The following CYTH3 variants were observed in gnomAD, a reference collection of about 807,000 sequenced individuals.
CYTH3 encodes cytohesin 3.
CYTH3 carries 23 observed loss-of-function variants against 55.1 expected under a neutral mutation model. The observed-to-expected ratio is 0.42, with a 90% confidence interval of 0.30 to 0.59. The LOEUF (loss-of-function observed/expected upper bound fraction) is 0.59, where lower values mean the gene tolerates loss of function less well. Among genes scored for constraint, CYTH3 ranks in the 20% least tolerant of loss-of-function variants. CYTH3 has a pLI of 0.20. For synonymous variants in CYTH3, 249 were observed against 194.9 expected (o/e 1.28, Z -2.31); for missense variants, 413 against 524.8 (o/e 0.79, Z 2.08).
At chr7:6,168,525 C>A (rs1271167802) in intron 9 of CYTH3, among the ~76,000 whole-genome samples, 1 of 152,128 alleles carries the variant, frequency 6.6e-6, no homozygotes, top group Non-Finnish European at 1.5e-5. Flanking sequence ...ACACAGCAGA[C>A]ATACAGGGTG....
At chr7:6,250,416 T>C (rs1006570262) in intron 1 of CYTH3, among the ~76,000 whole-genome samples, 4 of 152,170 alleles carry the variant, frequency 2.6e-5, no homozygotes, top group Non-Finnish European at 5.9e-5. Context: ...GATTCAACCA[T>C]GTGACAGAGG....
rs1441543809 is a variant in CYTH3 at position 6,164,540 on chromosome 7, AC to A, written c.*403del. The stretch of plus-strand genomic sequence containing the variant: ...CCCGAGTGAATGCGTTTGGCATGGT[AC>A]GAATGAGGCTCCCGTCTGTGGAATC... On this transcript the variant is annotated 3_prime_UTR_variant, in exon 13 of 13. Coordinates refer to ENST00000350796, the MANE Select transcript of CYTH3 (RefSeq NM_004227.4). 2 of 217,980 alleles carry A rather than the reference AC, an allele frequency of 9.2e-6. No homozygotes were observed. Among genetic ancestry groups the A allele is most frequent in the Non-Finnish European group, 1.8e-5 (2 of 110,190 alleles). 13.5% of individuals were successfully genotyped at this position (217,980 alleles called of 1,614,324 possible).
In CYTH3 at chr7:6,165,314, G is replaced by A. The variant is rs1782962266; in HGVS notation, c.1086C>T (p.Ala362=). 6.2e-7 allele frequency: 1 copy of A among 1,613,926 alleles called. No individual in the cohort carries two copies. The change falls in exon 12 of 13, where the codon GCC becomes GCT. Residue 362 remains alanine (A), a synonymous_variant. Transcript: ENST00000350796. ...EGNHVVYRIS[A]PSPEEKEEWM... ...ACTCCTCCTTCTCCTCCGGGCTCGG[G>A]GCTGAGATCCGGTACACCACATGGT...
intron 1 of CYTH3, among the ~76,000 whole-genome samples, chr7:6,198,077 G>C (rs1783976453): frequency 1.5e-5 from 2 of 135,612 alleles, no homozygotes; most frequent in African/African-American, 2.8e-5. Flanking sequence ...CTGAGTAACA[G>C]AGTGAGACAC....
At position 6,215,022 on chromosome 7, in the gene CYTH3, C is replaced by T. The variant is rs533587541; in HGVS notation, c.35-24491G>A. Among the ~76,000 whole-genome samples, 5 of 152,108 alleles carry T rather than the reference C, an allele frequency of 3.3e-5. No individual in the cohort carries two copies. In the South Asian group the frequency reaches 1.0e-3, roughly 32 times the overall value. ...ACAGAACCCACCTTACACAAAACTA[C>T]AGAGTTATTTGTGTGTGAAGAAAAT... On this transcript the variant is annotated intron_variant, in intron 1 of 12. Transcript: ENST00000350796.
At chr7:6,190,609 T>C in intron 1 of CYTH3, 78 bp from the exon 2 acceptor site, 1 of 1,110,664 alleles carries the variant, frequency 9.0e-7, no homozygotes, top group Non-Finnish European at 1.3e-6. Flanking sequence ...GGGTACATGC[T>C]GCCACCCAGC....
chr7:6,205,662 CAACTT>C (rs1562386894), intron 1 of CYTH3, among the ~76,000 whole-genome samples: 2 of 151,784 alleles, frequency 1.3e-5, no homozygotes, highest in African/African-American at 4.8e-5. Flanking sequence ...TAGAAAATAA[CAACTT>C]AAGATGCTAC....
intron 1 of CYTH3, among the ~76,000 whole-genome samples, chr7:6,198,001 G>A (rs1783974405): frequency 6.6e-6 from 1 of 151,844 alleles, no homozygotes; most frequent in African/African-American, 2.4e-5. Context: ...GGCTGAAGTG[G>A]GGGGATCGCT....
In CYTH3 at chr7:6,262,036, G is replaced by A. The variant is rs185285453; in HGVS notation, c.34+10438C>T. Among the ~76,000 whole-genome samples, 1,185 of 152,146 alleles carry A rather than the reference G, an allele frequency of 7.8e-3. 5 individuals carry two copies. Among genetic ancestry groups the A allele is most frequent in the Non-Finnish European group, 0.011 (739 of 68,006 alleles). ...TCTTTAAAAAAAATCAAGAAAACTG[G>A]AAAAGACAATAATGGAAATTAGGAA... On this transcript the variant is annotated intron_variant, in intron 1 of 12. Transcript: ENST00000350796.
Position 6,164,753 on chromosome 7 carries a change from G to A in CYTH3, c.*191C>T. The A allele has an allele frequency of 2.9e-6, 2 of 685,238 alleles. No homozygotes were observed. Among genetic ancestry groups the A allele is most frequent in the East Asian group, 2.5e-5 (1 of 40,046 alleles). 42.4% of individuals were successfully genotyped at this position (685,238 alleles called of 1,614,324 possible). On this transcript the variant is annotated 3_prime_UTR_variant, in exon 13 of 13. Coordinates refer to ENST00000350796, the MANE Select transcript of CYTH3 (RefSeq NM_004227.4). Reference sequence around the variant, plus strand: ...CTCTGGAGCAGCAGCTTGCACTGCAGGGCGACCACCTCCCAGGACCCCAGC... The same window carrying A: ...CTCTGGAGCAGCAGCTTGCACTGCAAGGCGACCACCTCCCAGGACCCCAGC...
In CYTH3 at chr7:6,264,049, C is replaced by A. The variant is rs112260259; in HGVS notation, c.34+8425G>T. On this transcript the variant is annotated intron_variant, in intron 1 of 12. Transcript: ENST00000350796. ...ATCATCTGAGGTCAGAAGTTCAAGA[C>A]CAGCCTGGCCAACATGGTGAAACCC... Among the ~76,000 whole-genome samples the A allele has an allele frequency of 5.5e-3, 837 of 151,972 alleles. 8 individuals are homozygous for A. Among genetic ancestry groups the A allele is most frequent in the South Asian group, 0.02 (98 of 4,826 alleles).
intron 1 of CYTH3, among the ~76,000 whole-genome samples, chr7:6,248,388 G>C (rs1383974838): frequency 2.0e-5 from 3 of 152,066 alleles, no homozygotes; most frequent in African/African-American, 7.2e-5. Context: ...TCAGAGATGT[G>C]GTCCATCTTC....
At chr7:6,214,740 T>G (rs1278092694) in intron 1 of CYTH3, among the ~76,000 whole-genome samples, 1 of 152,198 alleles carries the variant, frequency 6.6e-6, no homozygotes, top group Non-Finnish European at 1.5e-5. Context: ...TGTTGTTTCC[T>G]TCTCATCTAA....
Position 6,172,952 on chromosome 7 carries a change from A to G in CYTH3, c.449+701T>C, listed in dbSNP as rs763367378. 8.7e-6 allele frequency: 10 copies of G among 1,153,606 alleles called. No homozygotes were observed. In the South Asian group the frequency reaches 1.6e-4, roughly 19 times the overall value. The allele number at this position is 1,153,606 out of a possible 1,614,324, so 71.5% of individuals were successfully genotyped here. A position where few individuals can be genotyped will look rare whatever the true frequency, so the allele number is the denominator to read the frequency against. ...GCAAACAGTCCACGTAAACGAGAACAAGGTATGAAGCCGAAGATTTGAGAA... is the reference window on the plus strand; with the variant it reads ...GCAAACAGTCCACGTAAACGAGAACGAGGTATGAAGCCGAAGATTTGAGAA... On this transcript the variant is annotated intron_variant, in intron 6 of 12. Coordinates refer to ENST00000350796, the MANE Select transcript of CYTH3 (RefSeq NM_004227.4).
intron 5 of CYTH3, among the ~76,000 whole-genome samples, chr7:6,175,601 C>A (rs1386291143): frequency 2.3e-5 from 3 of 130,940 alleles, no homozygotes; most frequent in South Asian, 2.5e-4. Context: ...AGGCTGGAGT[C>A]CAATAACATG....
chr7:6,178,055 T>C (rs997465798), intron 4 of CYTH3, 114 bp from the exon 5 acceptor site: 1 of 741,948 alleles, frequency 1.3e-6, no homozygotes, highest in Non-Finnish European at 2.3e-6. Flanking sequence ...GCAAAAATAA[T>C]ACCAGAGACA....
At chr7:6,180,400 G>C (rs959130891) in intron 4 of CYTH3, among the ~76,000 whole-genome samples, 10 of 152,232 alleles carry the variant, frequency 6.6e-5, no homozygotes, top group Non-Finnish European at 1.2e-4. Context: ...AATCACACTT[G>C]TCCTATGAGA....
chr7:6,195,731 C>T (rs1191086801), intron 1 of CYTH3, among the ~76,000 whole-genome samples: 1 of 152,116 alleles, frequency 6.6e-6, no homozygotes, highest in Non-Finnish European at 1.5e-5. Flanking sequence ...CATTAAACCC[C>T]CCAAATAACT....
chr7:6,196,317 AAT>A (rs1360014113), intron 1 of CYTH3, among the ~76,000 whole-genome samples: 1 of 152,228 alleles, frequency 6.6e-6, no homozygotes, highest in Non-Finnish European at 1.5e-5. Context: ...AATGAAAGCC[AAT>A]AAAGAATTTC....
Sources: allele counts gnomAD v4.1 joint callset (sites outside exome capture counted in the v4.1 genomes callset), GRCh38; gene constraint gnomAD v4.1.1; transcripts MANE v1.5; gene names NCBI Gene and HGNC (gene_info 2026-07-23, HGNC 2026-07-21).